The following NFATC1 variants were observed in gnomAD, a reference collection of about 807,000 sequenced individuals.
NFATC1 encodes nuclear factor of activated T-cells, cytoplasmic 1.
In NFATC1, 22 loss-of-function variants were observed where a neutral mutation model predicts 76.0. That is an observed-to-expected ratio of 0.29 (90% CI 0.21 to 0.41). The LOEUF (loss-of-function observed/expected upper bound fraction) is 0.41. NFATC1 is among the 10% of genes least tolerant of loss of function. The pLI is 1.00. For synonymous variants in NFATC1, 704 were observed against 613.1 expected (o/e 1.15, Z -2.19); for missense variants, 1,357 against 1,337.7 (o/e 1.01, Z -0.23).
chr18:79,428,997 G>A (rs1167496083), intron 2 of NFATC1, among the ~76,000 whole-genome samples: 1 of 152,214 alleles, frequency 6.6e-6, no homozygotes, highest in Non-Finnish European at 1.5e-5. Flanking sequence ...GAAGCGGGCG[G>A]ATCACCTGAG....
At chr18:79,407,174 A>G (rs903111174) in intron 1 of NFATC1, among the ~76,000 whole-genome samples, 1 of 152,210 alleles carries the variant, frequency 6.6e-6, no homozygotes, top group African/African-American at 2.4e-5. Flanking sequence ...ATTTTTAGAA[A>G]GTTGGTCACA....
At chr18:79,509,885 C>G (rs1209966990) in intron 9 of NFATC1, among the ~76,000 whole-genome samples, 2 of 152,208 alleles carry the variant, frequency 1.3e-5, no homozygotes, top group African/African-American at 4.8e-5. Flanking sequence ...CAAGACTTAT[C>G]GGAAAGTGTC....
intron 3 of NFATC1, among the ~76,000 whole-genome samples, 156 bp downstream of exon 3, chr18:79,433,894 G>A (rs1411463261): frequency 6.6e-6 from 1 of 152,254 alleles, no homozygotes; most frequent in African/African-American, 2.4e-5. Context: ...CCTCTGAGCT[G>A]GAATGGGAGC....
At chr18:79,474,322 C>G (rs1276288693) in intron 8 of NFATC1, among the ~76,000 whole-genome samples, 3 of 146,422 alleles carry the variant, frequency 2.0e-5, no homozygotes, top group Non-Finnish European at 4.5e-5. Flanking sequence ...CTGAGGGAAG[C>G]GTGTTCTCGC....
At position 79,486,518 on chromosome 18, in the gene NFATC1, T is replaced by C; in HGVS notation, c.2363T>C (p.Leu788Pro). ...GTTGCCAGCCCGGGCCACTGTCACC[T>C]CGGACTCCCGCAGCCGGCCGGAGAG... ...KGVASPGHCHLGLPQPAGEAP... is the reference protein window; with the variant it reads ...KGVASPGHCHPGLPQPAGEAP... The change falls in exon 9 of 10, where the codon CTC becomes CCC. Residue 788 changes from leucine to proline, a missense_variant. This residue lies in a region of NFATC1 where 424 missense variants were observed against 395.4 expected (regional missense o/e 1.07). Transcript: ENST00000427363. The C allele has an allele frequency of 1.2e-6, 2 of 1,602,042 alleles. No individual in the cohort carries two copies. The highest frequency in any genetic ancestry group is 1.7e-6 in the Non-Finnish European group (2 of 1,178,946).
chr18:79,435,908 GCATAT>G (rs2086759171), intron 3 of NFATC1, among the ~76,000 whole-genome samples: 1 of 152,152 alleles, frequency 6.6e-6, no homozygotes, highest in Admixed American at 6.5e-5. Flanking sequence ...GGAGCTGTCA[GCATAT>G]CTCATTTGTA....
chr18:79,481,487 C>G (rs2089269482), intron 8 of NFATC1, among the ~76,000 whole-genome samples: 1 of 152,242 alleles, frequency 6.6e-6, no homozygotes, highest in African/African-American at 2.4e-5. Context: ...CTGCAGCCCC[C>G]TGACTTGCAC....
At chr18:79,475,458 CGTT>C (rs1385479879) in intron 8 of NFATC1, among the ~76,000 whole-genome samples, 1 of 150,134 alleles carries the variant, frequency 6.7e-6, no homozygotes, top group Non-Finnish European at 1.5e-5. Flanking sequence ...TCACTGTCAA[CGTT>C]GTGAGGGAAG....
chr18:79,492,688 G>A (rs1159949572), intron 9 of NFATC1, among the ~76,000 whole-genome samples: 1 of 148,458 alleles, frequency 6.7e-6, no homozygotes, highest in Non-Finnish European at 1.5e-5. Flanking sequence ...CAGCCTGGGT[G>A]ACAGAGCGAG....
At chr18:79,494,694 C>A (rs539559699) in intron 9 of NFATC1, among the ~76,000 whole-genome samples, 23 of 92,686 alleles carry the variant, frequency 2.5e-4, no homozygotes, top group African/African-American at 9.9e-4. Context: ...GGCACACGCC[C>A]CCCATGAACC....
chr18:79,468,292 A>T (rs2088621507), intron 8 of NFATC1: 1 of 151,764 alleles, frequency 6.6e-6, no homozygotes. Flanking sequence ...GGCGTCCCCC[A>T]CGCCATCCCC....
At chr18:79,457,758 C>T (rs769743211) in intron 6 of NFATC1, among the ~76,000 whole-genome samples, 2 of 152,160 alleles carry the variant, frequency 1.3e-5, no homozygotes, top group African/African-American at 2.4e-5. Flanking sequence ...GCCCCCTCGC[C>T]GTGGCCTCGC....
intron 9 of NFATC1, among the ~76,000 whole-genome samples, chr18:79,508,436 T>G (rs1480544586): frequency 6.6e-6 from 1 of 152,116 alleles, no homozygotes; most frequent in African/African-American, 2.4e-5. Flanking sequence ...TGTTTTAATT[T>G]AAGAAAAGAG....
intron 1 of NFATC1, chr18:79,400,286 A>AGGGGC: frequency 9.6e-7 from 1 of 1,036,694 alleles, no homozygotes; most frequent in African/African-American, 2.1e-5. Flanking sequence ...GGACGGGGGG[A>AGGGGC]GGGGCGGGGG....
chr18:79,440,231 T>C (rs2086921383), intron 3 of NFATC1, among the ~76,000 whole-genome samples: 1 of 152,188 alleles, frequency 6.6e-6, no homozygotes, highest in Admixed American at 6.5e-5. Context: ...AAATTTAAGA[T>C]GACGCGTGGG....
intron 8 of NFATC1, among the ~76,000 whole-genome samples, chr18:79,474,419 G>A (rs534665626): frequency 7.0e-6 from 1 of 141,954 alleles, no homozygotes; most frequent in East Asian, 2.2e-4. Context: ...TTCTCTCACT[G>A]TCAACTTTGC....
intron 1 of NFATC1, among the ~76,000 whole-genome samples, chr18:79,399,229 C>A (rs1568905760): frequency 6.6e-6 from 1 of 152,274 alleles, no homozygotes; most frequent in South Asian, 2.1e-4. Context: ...GAAACTAAAT[C>A]AGGCCACACG....
chr18:79,431,252 G>A (rs537957822), intron 2 of NFATC1, among the ~76,000 whole-genome samples: 3 of 152,322 alleles, frequency 2.0e-5, no homozygotes, highest in East Asian at 1.9e-4. Context: ...TCTTGCTAAG[G>A]AACATTTTAG....
chr18:79,498,217 A>G (rs1600932825), intron 9 of NFATC1: 1 of 152,238 alleles, frequency 6.6e-6, no homozygotes, highest in Non-Finnish European at 1.5e-5. Context: ...GGGCTCAGGT[A>G]TTAGACCAGC....
Sources: allele counts gnomAD v4.1 joint callset (sites outside exome capture counted in the v4.1 genomes callset), GRCh38; gene constraint gnomAD v4.1.1; regional missense constraint gnomAD v4.1.1; transcripts MANE v1.5; gene names NCBI Gene and HGNC (gene_info 2026-07-23, HGNC 2026-07-21).